Variants in BFSP2 observed in about 807,000 individuals in gnomAD.
The protein encoded by BFSP2 is beaded filament structural protein 2.
BFSP2 carries 38 observed loss-of-function variants against 44.9 expected under a neutral mutation model. The ratio of observed to expected loss-of-function variants is 0.85; its 90% CI spans 0.65 to 1.11. The LOEUF is 1.11. Ranked by LOEUF, BFSP2 falls within the 50% of genes least tolerant of loss-of-function variation. BFSP2 has a pLI of 0.00. For synonymous variants in BFSP2, 197 were observed against 209.9 expected, an observed-to-expected ratio of 0.94 and a Z score of 0.53; for missense variants, 525 against 533.0, an observed-to-expected ratio of 0.99 and a Z score of 0.15.
At chr3:133,466,188 A>G (rs1373331472) in intron 4 of BFSP2, among the ~76,000 whole-genome samples, 1 of 152,104 alleles carries the variant, frequency 6.6e-6, no homozygotes, top group Admixed American at 6.6e-5. Context: ...ATACATATTT[A>G]TTTATAAATA....
Position 133,424,219 on chromosome 3 carries a change from T to G in BFSP2, c.490-23098T>G, listed in dbSNP as rs1375777060. Among the ~76,000 whole-genome samples, 295 of 88,036 alleles carry G rather than the reference T, an allele frequency of 3.4e-3. 8 individuals carry two copies. The highest frequency in any genetic ancestry group is 0.022 in the African/African-American group (283 of 12,924). The allele number at this position is 88,036 out of a possible 152,430, so 57.8% of individuals were successfully genotyped here. On this transcript the variant is annotated intron_variant, in intron 1 of 6. Coordinates refer to ENST00000302334, the MANE Select transcript of BFSP2 (RefSeq NM_003571.4). ...TACCACCGCGTCCAGCTAATTTTTT[T>G]TTTTTTTTTTTTTTTTTTTTTTGTA...
chr3:133,425,944 G>GGGAGGGGAGGGGGAAGT (rs2073646826), intron 1 of BFSP2, among the ~76,000 whole-genome samples: 1 of 28,350 alleles, frequency 3.5e-5, no homozygotes, highest in African/African-American at 2.7e-4. Context: ...GGCAAGGGAA[G>GGGAGGGGAGGGGGAAGT]GGAGGGGAGG....
intron 1 of BFSP2, among the ~76,000 whole-genome samples, chr3:133,439,824 G>A (rs191107166): frequency 3.6e-4 from 55 of 152,304 alleles, no homozygotes; most frequent in African/African-American, 1.2e-3. Flanking sequence ...CCGGAGCACA[G>A]CTTCAAATAA....
intron 1 of BFSP2, among the ~76,000 whole-genome samples, chr3:133,430,030 T>C (rs2073696176): frequency 6.6e-6 from 1 of 150,858 alleles, no homozygotes; most frequent in African/African-American, 2.5e-5. Flanking sequence ...CTTGTGATAG[T>C]TTGCTGAGAA....
intron 1 of BFSP2, among the ~76,000 whole-genome samples, chr3:133,415,379 C>A (rs1314539425): frequency 7.9e-6 from 1 of 127,118 alleles, no homozygotes; most frequent in Non-Finnish European, 1.6e-5. Flanking sequence ...CAACCCTGCC[C>A]TCTCCCCTCC....
intron 1 of BFSP2, among the ~76,000 whole-genome samples, chr3:133,421,417 C>T (rs549137820): frequency 1.2e-3 from 181 of 152,328 alleles, no homozygotes; most frequent in African/African-American, 4.2e-3. Context: ...CTGGTGATGG[C>T]GGGCAATCCT....
At chr3:133,420,166 T>C (rs114818139) in intron 1 of BFSP2, among the ~76,000 whole-genome samples, 1,654 of 152,158 alleles carry the variant, frequency 0.011, 19 homozygotes, top group East Asian at 0.052. Context: ...AACAGAAAAA[T>C]GTACCAGGAG....
At chr3:133,434,442 TTCTC>T (rs889828461) in intron 1 of BFSP2, among the ~76,000 whole-genome samples, 9 of 151,906 alleles carry the variant, frequency 5.9e-5, no homozygotes, top group African/African-American at 2.2e-4. Context: ...ACATCGCCCA[TTCTC>T]TCTCTCCATA....
At position 133,452,874 on chromosome 3, in the gene BFSP2, T is replaced by G. The variant is rs374370456; in HGVS notation, c.891+2410T>G. Among the ~76,000 whole-genome samples, 4 of 152,094 alleles carry G rather than the reference T, an allele frequency of 2.6e-5. No individual in the cohort carries two copies. In the East Asian group the frequency reaches 5.8e-4, roughly 22 times the overall value. On this transcript the variant is annotated intron_variant, in intron 4 of 6. Transcript: ENST00000302334. ...TTGGGAAAGGACAGACTATTATAAT[T>G]ATCAGAAATAAATCCTTCATAGTAT...
intron 4 of BFSP2, among the ~76,000 whole-genome samples, chr3:133,457,543 A>G (rs2074023264): frequency 1.3e-5 from 2 of 152,162 alleles, no homozygotes; most frequent in African/African-American, 4.8e-5. Context: ...CCCATATACA[A>G]AGAAATATAT....
intron 1 of BFSP2, among the ~76,000 whole-genome samples, chr3:133,444,498 C>T (rs72980102): frequency 0.12 from 18,061 of 152,054 alleles, 1,104 homozygotes; most frequent in Middle Eastern, 0.19. Context: ...AAAACACTGT[C>T]GTTGTCTACA....
intron 1 of BFSP2, among the ~76,000 whole-genome samples, chr3:133,432,017 G>A (rs1361656953): frequency 1.3e-5 from 2 of 150,976 alleles, no homozygotes; most frequent in Non-Finnish European, 2.9e-5. Context: ...CCACAAGTAT[G>A]GAACATCTCT....
intron 1 of BFSP2, among the ~76,000 whole-genome samples, chr3:133,417,542 A>T (rs1375629670): frequency 2.6e-5 from 1 of 38,736 alleles, no homozygotes; most frequent in Non-Finnish European, 4.8e-5. Context: ...CCCTCTACTC[A>T]TCCCTTCCCT....
chr3:133,450,140 G>A (rs1057139714), intron 3 of BFSP2, among the ~76,000 whole-genome samples, 163 bp from the exon 4 acceptor site: 9 of 152,076 alleles, frequency 5.9e-5, no homozygotes, highest in Admixed American at 4.6e-4. Flanking sequence ...TTACACTTAC[G>A]CTGGGAAGAA....
intron 1 of BFSP2, among the ~76,000 whole-genome samples, chr3:133,441,583 C>T (rs1333071415): frequency 6.6e-6 from 1 of 152,044 alleles, no homozygotes; most frequent in African/African-American, 2.4e-5. Context: ...TAGGTAAGAA[C>T]CTGGCTGTTC....
At chr3:133,435,912 A>G (rs1248114869) in intron 1 of BFSP2, among the ~76,000 whole-genome samples, 1 of 152,082 alleles carries the variant, frequency 6.6e-6, no homozygotes, top group East Asian at 1.9e-4. Context: ...CACAAATTTG[A>G]TGTTTTCTCT....
chr3:133,415,804 A>C (rs1287516685), intron 1 of BFSP2, among the ~76,000 whole-genome samples: 296 of 38,168 alleles, frequency 7.8e-3, no homozygotes, highest in Admixed American at 0.011. Context: ...GACTCCTACC[A>C]CCTCCCCTCT....
rs2073354071 is a variant in BFSP2 at position 133,400,511 on chromosome 3, A to G, written c.428A>G (p.Lys143Arg). ...ETQLRMHLES[K>R]ATRSGNWGAL... is the part of the protein sequence containing the mutation. ...CAACTGCGGATGCACCTGGAGAGCA[A>G]AGCCACACGCTCGGGAAACTGGGGT... Residue 143 changes from lysine to arginine, a missense_variant, in exon 1 of 7, where the codon AAA (lysine) becomes AGA (arginine). Lys to Arg is a conservative substitution (Grantham distance 26, BLOSUM62 2). Transcript: ENST00000302334. This position sits in a 1 kb window ranked among gnomAD's most constrained non-coding sequence, Gnocchi z 4.0. 1 of 1,613,916 alleles carries G rather than the reference A, an allele frequency of 6.2e-7. No individual in the cohort carries two copies. The highest frequency in any genetic ancestry group is 1.3e-5 in the African/African-American group (1 of 75,050).
chr3:133,460,285 G>T (rs1371082563), intron 4 of BFSP2, among the ~76,000 whole-genome samples: 3 of 152,134 alleles, frequency 2.0e-5, no homozygotes, highest in African/African-American at 7.2e-5. Flanking sequence ...AAAGAGGTTA[G>T]GTAATTTGCC....
Sources: gnomAD v4.1 joint callset for allele counts (sites outside exome capture counted in the v4.1 genomes callset) on GRCh38, gnomAD v4.1.1 for gene constraint, Gnocchi (gnomAD v3.1) non-coding constraint, MANE v1.5 for transcripts, NCBI Gene and HGNC (gene_info 2026-07-23, HGNC 2026-07-21) for gene names.